Variants in MEGF6 observed in about 807,000 individuals in gnomAD.
MEGF6 encodes multiple EGF like domains 6.
A neutral mutation model predicts 207.1 loss-of-function variants in MEGF6; 184 were observed. The ratio of observed to expected loss-of-function variants is 0.89; its 90% CI spans 0.79 to 1.00. MEGF6 has a LOEUF of 1.00. Among genes scored for constraint, MEGF6 ranks in the 50% least tolerant of loss-of-function variants. MEGF6 has a pLI of 0.00. For missense variants in MEGF6, 2,282 were observed against 2,202.9 expected (o/e 1.04, Z -0.72); for synonymous variants, 1,038 against 910.0 (o/e 1.14, Z -2.53).
rs375535692 is a variant in MEGF6, at chr1:3,577,602, C to T, written c.481+2223G>A. On this transcript the variant is annotated intron_variant, in intron 4 of 36. Coordinates refer to ENST00000356575, the MANE Select transcript of MEGF6 (RefSeq NM_001409.4). ...CCCAGCCTCCAGCCTCCCTGCTCTG[C>T]GGTGCGTTCCCACGGTGACTGGGGC... Among the ~76,000 whole-genome samples, 287 of 152,322 alleles carry T rather than the reference C, an allele frequency of 1.9e-3. 1 individual carries two copies. Among genetic ancestry groups the T allele is most frequent in the Non-Finnish European group, 2.8e-3 (189 of 68,008 alleles).
chr1:3,574,598 C>A (rs866565551), intron 4 of MEGF6, among the ~76,000 whole-genome samples: 4 of 151,896 alleles, frequency 2.6e-5, no homozygotes, highest in Admixed American at 6.6e-5. Flanking sequence ...GGGGTGGGAA[C>A]TGAGGCCCAA....
upstream of MEGF6, among the ~76,000 whole-genome samples, chr1:3,616,399 G>A (rs1570268598): frequency 6.6e-6 from 1 of 152,258 alleles, no homozygotes; most frequent in East Asian, 1.9e-4. Context: ...CAGTCCTCAC[G>A]TCAACACCAA....
intron 4 of MEGF6, among the ~76,000 whole-genome samples, chr1:3,569,139 C>T (rs1570156445): frequency 6.6e-6 from 1 of 152,214 alleles, no homozygotes; most frequent in Admixed American, 6.5e-5. Context: ...CAGCCCACAC[C>T]CTAGAGACCC....
At chr1:3,610,462 G>A (rs557055052) in intron 1 of MEGF6, among the ~76,000 whole-genome samples, 135 of 151,842 alleles carry the variant, frequency 8.9e-4, no homozygotes, top group South Asian at 3.3e-3. Context: ...GGGTGGGGGC[G>A]CCAGCGACTC....
Position 3,577,778 on chromosome 1 carries a change from G to A in MEGF6, c.481+2047C>T, listed in dbSNP as rs145955008. Reference sequence around the variant, plus strand: ...AAGCATGGGCATCTGAGCCCACTCCGCAGTGCTGGCCTGGGCCTGGGGAAG... The same window carrying A: ...AAGCATGGGCATCTGAGCCCACTCCACAGTGCTGGCCTGGGCCTGGGGAAG... On this transcript the variant is annotated intron_variant, in intron 4 of 36. Transcript: ENST00000356575. 5.4e-3 allele frequency among the ~76,000 whole-genome samples: 822 copies of A among 152,318 alleles called. 11 individuals carry two copies. The highest frequency in any genetic ancestry group is 0.018 in the African/African-American group (763 of 41,564).
rs1448198752 is a variant in MEGF6, at chr1:3,524,180, T to TAGG, written c.545_547dup (p.Ser182dup). On this transcript the variant is annotated inframe_insertion, in exon 5 of 37. Coordinates refer to ENST00000356575, the MANE Select transcript of MEGF6 (RefSeq NM_001409.4). ...GAAGCCGGGCTTGCACTCACAGAGG[T>TAGG]AGGAGCCTGGGGTGTTCACGCACCG... 6.2e-7 allele frequency: 1 copy of TAGG among 1,612,790 alleles called. No homozygotes were observed. Among genetic ancestry groups the TAGG allele is most frequent in the Non-Finnish European group, 8.5e-7 (1 of 1,179,898 alleles).
chr1:3,514,682 C>A lies in MEGF6; in HGVS notation c.731-10G>T, dbSNP rs763976159. On this transcript the variant is annotated splice_polypyrimidine_tract_variant and intron_variant, in intron 6 of 36. Coordinates refer to ENST00000356575, the MANE Select transcript of MEGF6 (RefSeq NM_001409.4). ...GCACACGGGCTTCTACCTGCAGCCACGGGCCCGAGGAGGGGGTTGGGGAGA... is the reference window on the plus strand; with the variant it reads ...GCACACGGGCTTCTACCTGCAGCCAAGGGCCCGAGGAGGGGGTTGGGGAGA... The A allele has an allele frequency of 3.2e-6, 5 of 1,565,560 alleles. No homozygotes were observed. The highest frequency in any genetic ancestry group is 4.3e-6 in the Non-Finnish European group (5 of 1,157,794).
intron 5 of MEGF6, among the ~76,000 whole-genome samples, chr1:3,519,508 C>T (rs1641666319): frequency 6.6e-6 from 1 of 152,272 alleles, no homozygotes; most frequent in South Asian, 2.1e-4. Context: ...TCCGACCTGC[C>T]CTCCTGGGGG....
intron 5 of MEGF6, among the ~76,000 whole-genome samples, chr1:3,519,471 C>T (rs573936436): frequency 4.6e-5 from 7 of 152,364 alleles, no homozygotes; most frequent in Admixed American, 1.3e-4. Context: ...CACCGCCACA[C>T]GCGCCTACTC....
intron 4 of MEGF6, among the ~76,000 whole-genome samples, chr1:3,561,539 C>A (rs760245701): frequency 6.6e-6 from 1 of 152,180 alleles, no homozygotes; most frequent in South Asian, 2.1e-4. Context: ...CCTGGATGGT[C>A]GGGGACCATG....
At chr1:3,562,063 A>AAGGGGT (rs1244270760) in intron 4 of MEGF6, among the ~76,000 whole-genome samples, 1 of 152,146 alleles carries the variant, frequency 6.6e-6, no homozygotes, top group East Asian at 1.9e-4. Flanking sequence ...AACCAAGGGT[A>AAGGGGT]AGGGGTAGGG....
chr1:3,592,357 G>A (rs78335503), intron 3 of MEGF6, among the ~76,000 whole-genome samples: 7 of 152,164 alleles, frequency 4.6e-5, no homozygotes, highest in Non-Finnish European at 8.8e-5. Context: ...CTGACGTTCC[G>A]GGCTCCCAGG....
At chr1:3,541,331 A>T (rs1334252391) in intron 4 of MEGF6, among the ~76,000 whole-genome samples, 2 of 152,174 alleles carry the variant, frequency 1.3e-5, no homozygotes, top group Non-Finnish European at 2.9e-5. Context: ...GCAAGAGCAC[A>T]TCGTCCCAGG....
intron 1 of MEGF6, among the ~76,000 whole-genome samples, chr1:3,606,352 G>A (rs1317818908): frequency 6.6e-6 from 1 of 152,224 alleles, no homozygotes; most frequent in Non-Finnish European, 1.5e-5. Flanking sequence ...GCCCACCAGG[G>A]GATGCTGGAG....
intron 3 of MEGF6, among the ~76,000 whole-genome samples, chr1:3,592,705 C>A (rs1040264276): frequency 4.6e-5 from 7 of 152,148 alleles, no homozygotes; most frequent in Non-Finnish European, 8.8e-5. Flanking sequence ...CTCCTACCCA[C>A]CCACCGCCCC....
rs74558816 is a variant in MEGF6, at chr1:3,543,087, C to T, written c.482-18841G>A. Reference sequence around the variant, plus strand: ...GGGAGATGAGCCCACTCCGGACTGCCCAGCCCAGCAGAGCAGAGCTCAGCT... The same window carrying T: ...GGGAGATGAGCCCACTCCGGACTGCTCAGCCCAGCAGAGCAGAGCTCAGCT... On this transcript the variant is annotated intron_variant, in intron 4 of 36. Coordinates refer to ENST00000356575, the MANE Select transcript of MEGF6 (RefSeq NM_001409.4). 6.0e-3 allele frequency among the ~76,000 whole-genome samples: 911 copies of T among 152,346 alleles called. 7 individuals carry two copies. The highest frequency in any genetic ancestry group is 0.02 in the African/African-American group (831 of 41,586).
rs930699999 is a variant in MEGF6, at chr1:3,531,053, C to G, written c.482-6807G>C. 19 of 1,488,394 alleles carry G rather than the reference C, an allele frequency of 1.3e-5. No individual in the cohort carries two copies. The African/African-American group carries it at 2.7e-4, about 21-fold the overall frequency. The allele number at this position is 1,488,394 out of a possible 1,614,324, so 92.2% of individuals were successfully genotyped here. On this transcript the variant is annotated intron_variant, in intron 4 of 36. Transcript: ENST00000356575. ...CCGGGGAGCGCCCTGGCCCCGCCCG[C>G]CCTGCCCAGGCTCGCCCGGCGCCCA...
At chr1:3,493,685 T>C in intron 34 of MEGF6, 86 bp downstream of exon 34, 1 of 1,536,848 alleles carries the variant, frequency 6.5e-7, no homozygotes, top group East Asian at 2.3e-5. Flanking sequence ...AGCCCAGGAC[T>C]GGCACAGGTA....
upstream of MEGF6, among the ~76,000 whole-genome samples, chr1:3,615,268 C>G (rs1389129371): frequency 6.6e-6 from 1 of 151,098 alleles, no homozygotes; most frequent in African/African-American, 2.5e-5. Flanking sequence ...CACTTTCTGA[C>G]CCCCCAAGGA....
Sources: allele counts gnomAD v4.1 joint callset (sites outside exome capture counted in the v4.1 genomes callset), GRCh38; gene constraint gnomAD v4.1.1; transcripts MANE v1.5; gene names NCBI Gene and HGNC (gene_info 2026-07-23, HGNC 2026-07-21).